The following ERBB4 variants were observed in gnomAD, a reference collection of about 807,000 sequenced individuals.
ERBB4 encodes the protein receptor tyrosine-protein kinase erbB-4.
ERBB4 carries 42 observed loss-of-function variants against 158.0 expected under a neutral mutation model. The ratio of observed to expected loss-of-function variants is 0.27; its 90% CI spans 0.21 to 0.34. The LOEUF (loss-of-function observed/expected upper bound fraction) is 0.34, where lower values mean the gene tolerates loss of function less well. Among genes scored for constraint, ERBB4 ranks in the 10% least tolerant of loss-of-function variants. ERBB4 has a pLI of 1.00. For missense variants in ERBB4, 1,333 were observed against 1,624.1 expected, an observed-to-expected ratio of 0.82 and a Z score of 3.08; for synonymous variants, 583 against 558.7, an observed-to-expected ratio of 1.04 and a Z score of -0.61.
chr2:212,063,281 A>T (rs964563803), intron 2 of ERBB4, among the ~76,000 whole-genome samples: 1 of 152,160 alleles, frequency 6.6e-6, no homozygotes, highest in Non-Finnish European at 1.5e-5. Context: ...TTTTTAAGAA[A>T]TTTATATTAG....
intron 3 of ERBB4, among the ~76,000 whole-genome samples, chr2:211,905,925 G>T (rs2079380739): frequency 6.6e-6 from 1 of 151,404 alleles, no homozygotes; most frequent in Non-Finnish European, 1.5e-5. Context: ...TAGGGTGTTT[G>T]TGCACTTGAG....
chr2:212,402,011 C>A (rs1223604799), intron 1 of ERBB4, among the ~76,000 whole-genome samples: 2 of 152,062 alleles, frequency 1.3e-5, no homozygotes, highest in Non-Finnish European at 2.9e-5. Context: ...GTATTCTCGG[C>A]CATTTATTCC....
At chr2:212,413,282 A>T (rs1368415888) in intron 1 of ERBB4, among the ~76,000 whole-genome samples, 2 of 151,366 alleles carry the variant, frequency 1.3e-5, no homozygotes, top group East Asian at 1.9e-4. Context: ...CACCCCGCCC[A>T]GCCTATGTAG....
chr2:212,354,986 T>G (rs1437785663), intron 1 of ERBB4, among the ~76,000 whole-genome samples: 1 of 152,020 alleles, frequency 6.6e-6, no homozygotes, highest in African/African-American at 2.4e-5. Context: ...GAGGGAACAA[T>G]GTAAGAGGGC....
At chr2:211,978,002 C>G (rs1390421957) in intron 2 of ERBB4, among the ~76,000 whole-genome samples, 3 of 150,412 alleles carry the variant, frequency 2.0e-5, no homozygotes, top group African/African-American at 7.4e-5. Context: ...TTTCTAAAAA[C>G]AGTAAATATT....
chr2:211,573,313 T>A (rs868361328), intron 19 of ERBB4, among the ~76,000 whole-genome samples: 3 of 152,132 alleles, frequency 2.0e-5, no homozygotes, highest in Non-Finnish European at 4.4e-5. Context: ...ATTTCAAATG[T>A]CTAGCCCCCA....
chr2:212,314,005 C>A (rs561193238), intron 1 of ERBB4, among the ~76,000 whole-genome samples: 3 of 150,974 alleles, frequency 2.0e-5, no homozygotes, highest in Admixed American at 6.6e-5. Context: ...CAGATACTAG[C>A]CAAACAGTGA....
chr2:212,150,250 C>T (rs145731525), intron 1 of ERBB4, among the ~76,000 whole-genome samples: 369 of 152,196 alleles, frequency 2.4e-3, no homozygotes, highest in Non-Finnish European at 3.6e-3. Context: ...TTTCTAGTAG[C>T]CCCAGGCATT....
In ERBB4 at chr2:211,725,295, A is replaced by G. The variant is rs957886618; in HGVS notation, c.623-101T>C. The G allele has an allele frequency of 1.4e-5, 12 of 881,752 alleles. No individual in the cohort carries two copies. In the African/African-American group the frequency reaches 2.0e-4, roughly 14 times the overall value. 54.6% of individuals were successfully genotyped at this position (881,752 alleles called of 1,614,324 possible). ...AATTTCTCACCCTGTCTTTGACTCA[A>G]TTCAGCAAACATTTAATGAATGAGG... On this transcript the variant is annotated intron_variant, in intron 5 of 27. Transcript: ENST00000342788.
intron 13 of ERBB4, among the ~76,000 whole-genome samples, chr2:211,676,030 C>G (rs572908544): frequency 1.2e-4 from 19 of 152,036 alleles, no homozygotes; most frequent in Admixed American, 1.2e-3. Flanking sequence ...ACTATTATTC[C>G]CAATTTTCAC....
rs138827856 is a variant in ERBB4 at position 211,805,692 on chromosome 2, A to G, written c.422-17533T>C. Among the ~76,000 whole-genome samples the G allele has an allele frequency of 5.5e-3, 839 of 152,280 alleles. 11 individuals carry two copies. Among genetic ancestry groups the G allele is most frequent in the African/African-American group, 0.019 (798 of 41,558 alleles). On this transcript the variant is annotated intron_variant, in intron 3 of 27. Transcript: ENST00000342788. ...TCAAAACCAAAATTAAATTGTTATA[A>G]GATGAACAACAAGGGTGGAACCAAT...
At chr2:211,934,792 A>T (rs2080268502) in intron 3 of ERBB4, among the ~76,000 whole-genome samples, 2 of 151,984 alleles carry the variant, frequency 1.3e-5, no homozygotes, top group African/African-American at 4.8e-5. Context: ...TGTCTGTAGA[A>T]ATAAGCTTAA....
intron 3 of ERBB4, among the ~76,000 whole-genome samples, chr2:211,846,962 A>G (rs1575238473): frequency 6.6e-6 from 1 of 152,266 alleles, no homozygotes; most frequent in East Asian, 1.9e-4. Context: ...TTTTAAGTCT[A>G]TACCCTAGCT....
intron 4 of ERBB4, among the ~76,000 whole-genome samples, chr2:211,780,116 C>A (rs2075997550): frequency 6.6e-6 from 1 of 152,156 alleles, no homozygotes; most frequent in South Asian, 2.1e-4. Context: ...AATCTTAGCA[C>A]TTTGTGAGGC....
At chr2:211,456,927 G>A (rs137924703) in intron 20 of ERBB4, among the ~76,000 whole-genome samples, 1 of 152,206 alleles carries the variant, frequency 6.6e-6, no homozygotes, top group East Asian at 1.9e-4. Context: ...GTGGTCCTGG[G>A]GTTGGGGACC....
intron 1 of ERBB4, among the ~76,000 whole-genome samples, chr2:212,306,434 T>C (rs542776690): frequency 1.3e-4 from 19 of 151,564 alleles, no homozygotes; most frequent in Middle Eastern, 3.4e-3. Flanking sequence ...CAGTCAGCCA[T>C]GGACACTCTT....
intron 1 of ERBB4, among the ~76,000 whole-genome samples, chr2:212,530,712 T>C (rs35793275): frequency 0.16 from 24,296 of 152,064 alleles, 2,424 homozygotes; most frequent in Non-Finnish European, 0.23. Context: ...AAAGCAGGTT[T>C]ATGATCCCCA....
chr2:211,875,025 C>CAAAAAAAAAAAAA (rs746636278), intron 3 of ERBB4, among the ~76,000 whole-genome samples: 16 of 27,000 alleles, frequency 5.9e-4, no homozygotes, highest in Non-Finnish European at 7.8e-4. Flanking sequence ...AATAGAAATG[C>CAAAAAAAAAAAAA]AAAAAAAAAA....
intron 14 of ERBB4, 127 bp from the exon 15 acceptor site, chr2:211,665,604 C>A: frequency 1.2e-6 from 1 of 864,004 alleles, no homozygotes; most frequent in South Asian, 1.4e-5. Flanking sequence ...AATTGGAGAA[C>A]ATTTTCAGCA....
Sources: gnomAD v4.1 joint callset for allele counts (sites outside exome capture counted in the v4.1 genomes callset) on GRCh38, gnomAD v4.1.1 for gene constraint, MANE v1.5 for transcripts, NCBI Gene and HGNC (gene_info 2026-07-23, HGNC 2026-07-21) for gene names.